TGM6: variants seen among roughly 807,000 people sequenced by gnomAD.
The protein encoded by TGM6 is transglutaminase 6.
A neutral mutation model predicts 77.5 loss-of-function variants in TGM6; 74 were observed. That is an observed-to-expected ratio of 0.96 (90% CI 0.79 to 1.16). The LOEUF (loss-of-function observed/expected upper bound fraction) is 1.16. TGM6 is among the 50% of genes most tolerant of loss of function. TGM6 has a pLI of 0.00. For missense variants in TGM6, 968 were observed against 940.2 expected (o/e 1.03, Z -0.39); for synonymous variants, 383 against 378.9 (o/e 1.01, Z -0.12).
At chr20:2,382,964 G>C (rs550883982) in intron 1 of TGM6, among the ~76,000 whole-genome samples, 32 of 152,300 alleles carry the variant, frequency 2.1e-4, no homozygotes, top group African/African-American at 5.8e-4. Flanking sequence ...GAGATTCCAA[G>C]AATTGAGTGG....
At chr20:2,389,543 C>A (rs1324516915) in intron 1 of TGM6, among the ~76,000 whole-genome samples, 6 of 152,010 alleles carry the variant, frequency 3.9e-5, no homozygotes. Context: ...GTCCGTAATA[C>A]CCTCCCTCTC....
chr20:2,395,910 G>C (rs2084662127), intron 3 of TGM6, among the ~76,000 whole-genome samples: 2 of 152,234 alleles, frequency 1.3e-5, no homozygotes, highest in South Asian at 4.1e-4. Flanking sequence ...GCCGGGTGCA[G>C]TGGCTCACGC....
chr20:2,417,491 C>A lies in TGM6; in HGVS notation c.1596C>A (p.Ser532Arg). Residue 532 changes from serine to arginine, a missense_variant, in exon 10 of 13, where the codon AGC (serine) becomes AGA (arginine). Coordinates refer to ENST00000202625, the MANE Select transcript of TGM6 (RefSeq NM_198994.3). ...SRAQRVRVNL[S>R]GATILYTRKP... ...CCCAGCGGGTGAGGGTCAACCTGAG[C>A]GGTGCCACCATCCTCTATACCCGCA... 6.2e-7 allele frequency: 1 copy of A among 1,608,690 alleles called. No homozygotes were observed. The highest frequency in any genetic ancestry group is 2.2e-5 in the East Asian group (1 of 44,836).
At position 2,394,560 on chromosome 20, in the gene TGM6, G is replaced by A. The variant is rs749510529; in HGVS notation, c.116G>A (p.Ser39Asn). 3.7e-6 allele frequency: 6 copies of A among 1,612,146 alleles called. No homozygotes were observed. The African/African-American group carries it at 4.0e-5, about 11-fold the overall frequency. ...ELVVRRGQSFSLTLELSRALD... is the reference protein window; with the variant it reads ...ELVVRRGQSFNLTLELSRALD... ...GTGGTTCGCAGGGGCCAGTCGTTCAGCCTCACGCTGGAGCTGAGCAGAGCC... is the reference window on the plus strand; with the variant it reads ...GTGGTTCGCAGGGGCCAGTCGTTCAACCTCACGCTGGAGCTGAGCAGAGCC... The change falls in exon 2 of 13, where the codon AGC becomes AAC. Residue 39 changes from serine (S) to asparagine (N), a missense_variant. By Grantham distance (46) the Ser-to-Asn change is conservative (BLOSUM62 1). Transcript: ENST00000202625.
chr20:2,417,405 C>T lies in TGM6; in HGVS notation c.1510C>T (p.Pro504Ser). Residue 504 changes from proline (P) to serine (S), a missense_variant, in exon 10 of 13, where the codon CCT (proline) becomes TCT (serine). Coordinates refer to ENST00000202625, the MANE Select transcript of TGM6 (RefSeq NM_198994.3). ...CGCTGGCAAGTTCAAGGTGCTAGAG[C>T]CTCCCATGCTGGGCCACGACCTGAG... Reference protein sequence around the residue: ...SIAGKFKVLEPPMLGHDLRLA... With the variant: ...SIAGKFKVLESPMLGHDLRLA... 6.2e-7 allele frequency: 1 copy of T among 1,613,494 alleles called. No individual in the cohort carries two copies. Among genetic ancestry groups the T allele is most frequent in the Non-Finnish European group, 8.5e-7 (1 of 1,180,034 alleles).
chr20:2,396,939 C>T (rs181774694), intron 4 of TGM6, among the ~76,000 whole-genome samples: 1 of 152,264 alleles, frequency 6.6e-6, no homozygotes, highest in African/African-American at 2.4e-5. Context: ...GCGTGCTGGA[C>T]CCCACCCCCA....
chr20:2,390,449 C>T lies in TGM6; in HGVS notation c.8-4003C>T, dbSNP rs75267726. 1.6e-3 allele frequency among the ~76,000 whole-genome samples: 237 copies of T among 152,330 alleles called. 2 individuals are homozygous for T. The Middle Eastern group carries it at 0.024, about 15-fold the overall frequency. On this transcript the variant is annotated intron_variant, in intron 1 of 12. Coordinates refer to ENST00000202625, the MANE Select transcript of TGM6 (RefSeq NM_198994.3). ...AGGATGCCCACAGACTCCACTCCAG[C>T]CCTTGCTTGTTTGTGTGCCCTTTGG... is the stretch of plus-strand genomic sequence containing the variant.
At chr20:2,384,135 T>C (rs1030736314) in intron 1 of TGM6, among the ~76,000 whole-genome samples, 2 of 150,846 alleles carry the variant, frequency 1.3e-5, no homozygotes, top group African/African-American at 4.9e-5. Flanking sequence ...AAATCCCTGT[T>C]CGTAGAGCTC....
intron 1 of TGM6, among the ~76,000 whole-genome samples, chr20:2,394,246 A>T (rs1356894316): frequency 6.6e-6 from 1 of 152,180 alleles, no homozygotes; most frequent in East Asian, 1.9e-4. Flanking sequence ...GTGAATTGAG[A>T]TCACGCCACT....
intron 10 of TGM6, among the ~76,000 whole-genome samples, chr20:2,420,215 A>G (rs2084847108): frequency 6.6e-6 from 1 of 152,218 alleles, no homozygotes; most frequent in African/African-American, 2.4e-5. Flanking sequence ...ACTGCACTCC[A>G]GCCTGGGCAA....
chr20:2,392,521 A>C (rs2084635967), intron 1 of TGM6, among the ~76,000 whole-genome samples: 1 of 152,212 alleles, frequency 6.6e-6, no homozygotes, highest in Admixed American at 6.5e-5. Context: ...TTGAGCTCTC[A>C]TGTTACGAGG....
At chr20:2,415,136 G>C (rs2084807325) in intron 9 of TGM6, among the ~76,000 whole-genome samples, 1 of 152,138 alleles carries the variant, frequency 6.6e-6, no homozygotes, top group Non-Finnish European at 1.5e-5. Context: ...CTTTGGCAGG[G>C]AAATGAAACA....
chr20:2,428,559 C>T (rs2084904077), intron 10 of TGM6, among the ~76,000 whole-genome samples: 1 of 152,032 alleles, frequency 6.6e-6, no homozygotes, highest in Admixed American at 6.6e-5. Flanking sequence ...TATCACCATG[C>T]AAGGAGTAAA....
intron 10 of TGM6, among the ~76,000 whole-genome samples, chr20:2,429,903 GGGA>G (rs925909169): frequency 3.0e-4 from 45 of 152,322 alleles, no homozygotes; most frequent in Non-Finnish European, 5.6e-4. Flanking sequence ...TGAGAGCACT[GGGA>G]GGAGGTGTCA....
At chr20:2,410,813 T>C (rs1482527907) in intron 9 of TGM6, among the ~76,000 whole-genome samples, 3 of 152,190 alleles carry the variant, frequency 2.0e-5, no homozygotes, top group African/African-American at 7.2e-5. Context: ...TATTAGGGGA[T>C]ACTATGAGCA....
At position 2,399,558 on chromosome 20, in the gene TGM6, C is replaced by G. The variant is rs768451930; in HGVS notation, c.673-3C>G. 6.2e-7 allele frequency: 1 copy of G among 1,612,540 alleles called. No homozygotes were observed. Among genetic ancestry groups the G allele is most frequent in the African/African-American group, 1.3e-5 (1 of 75,006 alleles). On this transcript the variant is annotated splice_region_variant and splice_polypyrimidine_tract_variant and intron_variant, in intron 5 of 12. Coordinates refer to ENST00000202625, the MANE Select transcript of TGM6 (RefSeq NM_198994.3). Reference sequence around the variant, plus strand: ...TTGTGGACCCGTGCCCTCCTCTGCCCAGGTGAACAGCAACAACGACCGAGG... The same window carrying G: ...TTGTGGACCCGTGCCCTCCTCTGCCGAGGTGAACAGCAACAACGACCGAGG...
At chr20:2,417,836 A>G (rs74625388) in intron 10 of TGM6, among the ~76,000 whole-genome samples, 2 of 152,218 alleles carry the variant, frequency 1.3e-5, no homozygotes, top group African/African-American at 4.8e-5. Flanking sequence ...TATAGTTTCT[A>G]TTTTTTTAAT....
At chr20:2,388,756 G>A (rs1004840883) in intron 1 of TGM6, among the ~76,000 whole-genome samples, 2 of 152,108 alleles carry the variant, frequency 1.3e-5, no homozygotes, top group Non-Finnish European at 2.9e-5. Flanking sequence ...ATTTGGAAAA[G>A]CACTTGGTTC....
intron 8 of TGM6, 33 bp downstream of exon 8, chr20:2,403,533 C>T: frequency 6.2e-7 from 1 of 1,614,096 alleles, no homozygotes; most frequent in East Asian, 2.2e-5. Context: ...AGTTCCAGAC[C>T]CCTGCTTTTC....
Sources: allele counts gnomAD v4.1 joint callset (sites outside exome capture counted in the v4.1 genomes callset), GRCh38; gene constraint gnomAD v4.1.1; transcripts MANE v1.5; gene names NCBI Gene and HGNC (gene_info 2026-07-23, HGNC 2026-07-21).